Variants in CFAP92 observed in about 807,000 individuals in gnomAD.
The protein encoded by CFAP92 is cilia and flagella associated protein 92 (putative).
A neutral mutation model predicts 106.3 loss-of-function variants in CFAP92; 86 were observed. The observed-to-expected ratio is 0.81, with a 90% confidence interval of 0.68 to 0.97. CFAP92 has a LOEUF of 0.97. Among genes scored for constraint, CFAP92 ranks in the 50% least tolerant of loss-of-function variants. CFAP92 has a pLI of 0.00. For missense variants in CFAP92, 1,204 were observed against 1,283.8 expected, an observed-to-expected ratio of 0.94 and a Z score of 0.95; for synonymous variants, 477 against 506.4, an observed-to-expected ratio of 0.94 and a Z score of 0.78.
chr3:128,962,116 T>C (rs1941973454), intron 9 of CFAP92, among the ~76,000 whole-genome samples: 1 of 152,218 alleles, frequency 6.6e-6, no homozygotes, highest in Non-Finnish European at 1.5e-5. Flanking sequence ...CCAGAGCCCC[T>C]GGAACTCTGG....
At chr3:129,012,801 C>T in the CFAP92 span, among the ~76,000 whole-genome samples, 2 of 152,154 alleles carry the variant, frequency 1.3e-5, no homozygotes, top group Admixed American at 6.5e-5. Flanking sequence ...ATGAACTTCC[C>T]CTTAGAAGTG....
At position 128,925,567 on chromosome 3, in the gene CFAP92, AGAT is replaced by A. The variant is rs1937590712; in HGVS notation, c.2751+7130_2751+7132del. On this transcript the variant is annotated intron_variant, in intron 12 of 15. Coordinates refer to ENST00000645291, the MANE Select transcript of CFAP92 (RefSeq NM_001394090.1). ...GAGATGTATAAGTAATATCAGATGC[AGAT>A]CATGGTGAAAATATCTAACATTGGA... 2.6e-5 allele frequency among the ~76,000 whole-genome samples: 4 copies of A among 152,348 alleles called. No individual in the cohort carries two copies. The South Asian group carries it at 8.3e-4, about 32-fold the overall frequency.
At chr3:128,982,149 T>G (rs906831866) in intron 4 of CFAP92, among the ~76,000 whole-genome samples, 6 of 152,260 alleles carry the variant, frequency 3.9e-5, no homozygotes, top group Admixed American at 6.5e-5. Flanking sequence ...CTTCTTCCAG[T>G]AGAAGGCTGT....
At chr3:129,003,027 G>A (rs921626237), upstream of CFAP92, among the ~76,000 whole-genome samples, 7 of 152,210 alleles carry the variant, frequency 4.6e-5, no homozygotes, top group Non-Finnish European at 8.8e-5. Context: ...CAAGGGCAGT[G>A]CTGGGCCGCA....
At chr3:128,911,556 G>C (rs1936322454) in intron 15 of CFAP92, among the ~76,000 whole-genome samples, 1 of 152,128 alleles carries the variant, frequency 6.6e-6, no homozygotes, top group South Asian at 2.1e-4. Context: ...CTGTGCCTCA[G>C]CCTCCTGAGT....
chr3:128,938,072 G>GA (rs112911438), intron 10 of CFAP92, among the ~76,000 whole-genome samples: 86,239 of 149,418 alleles, frequency 0.58, 27,618 homozygotes, highest in African/African-American at 0.87. Context: ...TCAAACAAAA[G>GA]AAAAAAAAAT....
In CFAP92 at chr3:128,936,511, C is replaced by T. The variant is rs141565476; in HGVS notation, c.2259-1192G>A. Among the ~76,000 whole-genome samples the T allele has an allele frequency of 5.5e-3, 836 of 152,206 alleles. 8 individuals carry two copies. The highest frequency in any genetic ancestry group is 0.017 in the African/African-American group (718 of 41,516). On this transcript the variant is annotated intron_variant, in intron 10 of 15. Coordinates refer to ENST00000645291, the MANE Select transcript of CFAP92 (RefSeq NM_001394090.1). ...ACCCAACTAAAACAGAGTCGACAGG[C>T]GGGGAGAAAGCACCCAGGGCACGTA...
chr3:128,927,833 T>C (rs954401692), intron 12 of CFAP92, among the ~76,000 whole-genome samples: 7 of 152,268 alleles, frequency 4.6e-5, no homozygotes, highest in Non-Finnish European at 7.4e-5. Context: ...ACTTGCACAC[T>C]AAGAACTACA....
At chr3:129,014,204 T>C in the CFAP92 span, among the ~76,000 whole-genome samples, 1 of 152,244 alleles carries the variant, frequency 6.6e-6, no homozygotes, top group African/African-American at 2.4e-5. The surrounding 1 kb of genome is among the most constrained non-coding windows in gnomAD (Gnocchi z 4.3). Context: ...GCAGAGACCC[T>C]GCCCTCGTGG....
chr3:128,934,197 A>G (rs950306440), intron 11 of CFAP92, among the ~76,000 whole-genome samples: 2 of 152,182 alleles, frequency 1.3e-5, no homozygotes, highest in African/African-American at 4.8e-5. Flanking sequence ...GTGTGCCCAC[A>G]GGCCCCCTAG....
chr3:128,914,995 TTAGCATAGAAAGTTTGGTTGA>T (rs1164533637), intron 15 of CFAP92, 103 bp downstream of exon 15: 1 of 952,394 alleles, frequency 1.0e-6, no homozygotes, highest in African/African-American at 1.6e-5. Flanking sequence ...CTTGCTTTTC[TTAGCATAGAAAGTTTGGTTGA>T]TAGTGTAAAC....
At chr3:128,937,720 T>G (rs1030038199) in intron 10 of CFAP92, among the ~76,000 whole-genome samples, 1 of 152,096 alleles carries the variant, frequency 6.6e-6, no homozygotes, top group Non-Finnish European at 1.5e-5. Flanking sequence ...TGGGGGAGGT[T>G]GAGTAATGAG....
Position 128,993,247 on chromosome 3 carries a change from A to G in CFAP92, c.58T>C (p.Ser20Pro). 6.2e-7 allele frequency: 1 copy of G among 1,613,958 alleles called. No homozygotes were observed. Among genetic ancestry groups the G allele is most frequent in the Non-Finnish European group, 8.5e-7 (1 of 1,179,870 alleles). The change falls in exon 2 of 16, where the codon TCC (serine) becomes CCC (proline). Residue 20 changes from serine to proline, a missense_variant. Transcript: ENST00000645291. ...GTGGACTGGTAAAAGCTAGTGATGG[A>G]GGAGATGGGCTCTATGCTTGCGGGG... is the stretch of plus-strand genomic sequence containing the variant. The part of the protein sequence containing the change: ...EDPASIEPIS[S>P]ITSFYQSTSE...
chr3:129,003,722 T>C, upstream of CFAP92: 1 of 1,259,146 alleles, frequency 7.9e-7, no homozygotes, highest in Non-Finnish European at 1.0e-6. Context: ...GGGGCCGCCG[T>C]CGTGGCGGGC....
At chr3:128,984,689 C>G (rs1044406896) in intron 4 of CFAP92, among the ~76,000 whole-genome samples, 4 of 152,196 alleles carry the variant, frequency 2.6e-5, no homozygotes, top group African/African-American at 9.7e-5. Flanking sequence ...TTAATAAACT[C>G]CCTTTCATAT....
At chr3:128,949,283 TAATTACCA>T (rs1195895159) in intron 9 of CFAP92, among the ~76,000 whole-genome samples, 1 of 152,224 alleles carries the variant, frequency 6.6e-6, no homozygotes, top group Non-Finnish European at 1.5e-5. Flanking sequence ...GCTCTATTCA[TAATTACCA>T]AAAACTAGAA....
the CFAP92 span, among the ~76,000 whole-genome samples, chr3:129,008,166 T>C: frequency 1.3e-5 from 2 of 152,228 alleles, no homozygotes; most frequent in Admixed American, 6.5e-5. Flanking sequence ...GCTGCACAGG[T>C]AGTGAGAGAT....
chr3:128,944,180 AC>A (rs144772410), intron 10 of CFAP92, among the ~76,000 whole-genome samples: 1,965 of 149,630 alleles, frequency 0.013, 18 homozygotes, highest in Non-Finnish European at 0.022. Context: ...TTCCAGGATC[AC>A]CTTAGCCTCC....
chr3:129,022,742 C>G, the CFAP92 span, among the ~76,000 whole-genome samples: 1 of 152,216 alleles, frequency 6.6e-6, no homozygotes. Flanking sequence ...TTCAGTAATG[C>G]CTGTTGAGTG....
Sources: allele counts gnomAD v4.1 joint callset (sites outside exome capture counted in the v4.1 genomes callset), GRCh38; gene constraint gnomAD v4.1.1; non-coding constraint Gnocchi (gnomAD v3.1); transcripts MANE v1.5; gene names NCBI Gene and HGNC (gene_info 2026-07-23, HGNC 2026-07-21).